SBF1: variants seen among roughly 807,000 people sequenced by gnomAD.
The protein encoded by SBF1 is myotubularin-related protein 5.
In SBF1, 65 loss-of-function variants were observed where a neutral mutation model predicts 215.8. That is an observed-to-expected ratio of 0.30 (90% CI 0.25 to 0.37). The LOEUF is 0.37. Ranked by LOEUF, SBF1 falls within the 10% of genes least tolerant of loss-of-function variation. The pLI is 1.00. For missense variants in SBF1, 2,634 were observed against 2,667.8 expected (o/e 0.99, Z 0.28); for synonymous variants, 1,410 against 1,122.8 (o/e 1.26, Z -5.11).
At chr22:50,469,570 A>C (rs1381371352) in intron 1 of SBF1, among the ~76,000 whole-genome samples, 1 of 152,210 alleles carries the variant, frequency 6.6e-6, no homozygotes, top group Non-Finnish European at 1.5e-5. Flanking sequence ...AGGATGGAGC[A>C]GGTGCAGCAG....
In SBF1 at chr22:50,474,826, C is replaced by T. The variant is rs2068121956; in HGVS notation, c.15G>A (p.Ala5=). The T allele has an allele frequency of 4.2e-6, 6 of 1,421,316 alleles. No homozygotes were observed. Among genetic ancestry groups the T allele is most frequent in the Non-Finnish European group, 5.5e-6 (6 of 1,089,352 alleles). The allele number at this position is 1,421,316 out of a possible 1,614,324, so 88.0% of individuals were successfully genotyped here. Residue 5 remains alanine, a synonymous_variant, in exon 1 of 41, where the codon GCG becomes GCA. Transcript: ENST00000380817. ...CGAACGCCACCAGCACGAAGTAGTC[C>T]GCGAGCCGCGCCATGGCGAGGGACG... MARL[A]DYFVLVAFGP... is the part of the protein sequence containing the mutation.
rs768541253 is a variant in SBF1, at chr22:50,460,012, C to T, written c.3431G>A (p.Arg1144Gln). The change falls in exon 26 of 41, where the codon CGG becomes CAG. Residue 1144 changes from arginine to glutamine, a missense_variant. Physicochemically the swap from Arg to Gln is conservative, Grantham distance 43. Coordinates refer to ENST00000380817, the MANE Select transcript of SBF1 (RefSeq NM_002972.4). ...GLGTLSSSLS[R>Q]AKSEPFRISP... The stretch of plus-strand genomic sequence containing the variant: ...AATGCGGAAGGGCTCAGACTTGGCC[C>T]GGCTCAGGCTGCTGCTCAGGGTGCC... The T allele has an allele frequency of 6.8e-6, 11 of 1,613,964 alleles. No homozygotes were observed. The highest frequency in any genetic ancestry group is 1.1e-5 in the South Asian group (1 of 91,090).
chr22:50,466,815 G>A (rs767545504), intron 5 of SBF1, 105 bp from the exon 6 acceptor site: 16 of 767,828 alleles, frequency 2.1e-5, no homozygotes, highest in South Asian at 5.8e-5. Context: ...TGACAGACCC[G>A]AGGTGGGACT....
chr22:50,449,307 T>C (rs919458743), intron 36 of SBF1, among the ~76,000 whole-genome samples: 1 of 149,840 alleles, frequency 6.7e-6, no homozygotes, highest in Non-Finnish European at 1.5e-5. Context: ...AGTTAGAACA[T>C]ACAGTAAATT....
Position 50,464,751 on chromosome 22 carries a change from G to A in SBF1, c.1432-13C>T, listed in dbSNP as rs76515527. The A allele has an allele frequency of 5.8e-4, 936 of 1,608,630 alleles. 9 individuals carry two copies. The East Asian group carries it at 0.016, about 28-fold the overall frequency. ...GGTACGGGTTCTCCTGTGGGGAGACGGCAGGTGTGGGGCAGGGGCCCAGGG... is the reference window on the plus strand; with the variant it reads ...GGTACGGGTTCTCCTGTGGGGAGACAGCAGGTGTGGGGCAGGGGCCCAGGG... On this transcript the variant is annotated splice_polypyrimidine_tract_variant and intron_variant, in intron 13 of 40. Transcript: ENST00000380817.
intron 16 of SBF1, 41 bp downstream of exon 16, chr22:50,463,242 T>A (rs374886393): frequency 6.2e-7 from 1 of 1,610,304 alleles, no homozygotes. Flanking sequence ...TTCCCGCTCA[T>A]GCGCCATGAG....
chr22:50,449,559 G>A (rs1388668971), intron 36 of SBF1, among the ~76,000 whole-genome samples: 1 of 151,110 alleles, frequency 6.6e-6, no homozygotes, highest in Non-Finnish European at 1.5e-5. Flanking sequence ...AAGTTGCAGT[G>A]AGCCGAGATC....
Position 50,474,795 on chromosome 22 carries a change from G to A in SBF1, c.46C>T (p.His16Tyr), listed in dbSNP as rs1465253755. 6.8e-7 allele frequency: 1 copy of A among 1,460,618 alleles called. No individual in the cohort carries two copies. Among genetic ancestry groups the A allele is most frequent in the Non-Finnish European group, 9.0e-7 (1 of 1,110,622 alleles). The allele number at this position is 1,460,618 out of a possible 1,614,324, so 90.5% of individuals were successfully genotyped here. The stretch of plus-strand genomic sequence containing the variant: ...TGGCCTCGGCACTCACCGCGCGGGT[G>A]CGGCCCGAACGCCACCAGCACGAAG... The part of the protein sequence containing the change: ...DYFVLVAFGP[H>Y]PRGSGEGQGQ... Residue 16 changes from histidine (H) to tyrosine (Y), a missense_variant, in exon 1 of 41, where the codon CAC (histidine) becomes TAC (tyrosine). Coordinates refer to ENST00000380817, the MANE Select transcript of SBF1 (RefSeq NM_002972.4).
At position 50,456,513 on chromosome 22, in the gene SBF1, A is replaced by G; in HGVS notation, c.4065T>C (p.Leu1355=). 8.3e-6 allele frequency: 11 copies of G among 1,319,184 alleles called. No individual in the cohort carries two copies. Among genetic ancestry groups the G allele is most frequent in the Non-Finnish European group, 1.1e-5 (11 of 1,012,070 alleles). The allele number at this position is 1,319,184 out of a possible 1,614,324, so 81.7% of individuals were successfully genotyped here. ...TCACCTTGAGCTGGGCTTTGTCCCC[A>G]AGGATATAGAGGGCTGCTCGCTGCG... The part of the protein sequence containing the change: ...LRPQRAALYI[L]GDKAQLKGVR... Residue 1355 remains leucine, a synonymous_variant, in exon 30 of 41, where the codon CTT becomes CTC. Transcript: ENST00000380817.
At position 50,462,602 on chromosome 22, in the gene SBF1, C is replaced by T. The variant is rs756798043; in HGVS notation, c.2084G>A (p.Arg695Gln). ...CTCCGTGGGCTCCAGGTAGAGGGCCCGGATGTGAGTCTGCACATCCCCATA... is the reference window on the plus strand; with the variant it reads ...CTCCGTGGGCTCCAGGTAGAGGGCCTGGATGTGAGTCTGCACATCCCCATA... ...MFYGDVQTHI[R>Q]ALYLEPTEDL... The change falls in exon 18 of 41, where the codon CGG becomes CAG. Residue 695 changes from arginine (R) to glutamine (Q), a missense_variant. Physicochemically the swap from Arg to Gln is conservative, Grantham distance 43 (BLOSUM62 1). Coordinates refer to ENST00000380817, the MANE Select transcript of SBF1 (RefSeq NM_002972.4). The T allele has an allele frequency of 4.5e-5, 72 of 1,612,190 alleles. No individual in the cohort carries two copies. The highest frequency in any genetic ancestry group is 1.7e-4 in the Admixed American group (10 of 59,896).
chr22:50,464,344 C>G lies in SBF1; in HGVS notation c.1734G>C (p.Met578Ile), dbSNP rs757701114. 1.2e-6 allele frequency: 2 copies of G among 1,613,854 alleles called. No homozygotes were observed. ...CAGCCCTCACCTTCTTGGCCTCAAG[C>G]ATTTTCCCCTCAAACACGTAGGAGA... Reference protein sequence around the residue: ...NCISYVFEGKMLEAKKLLPAV... With the variant: ...NCISYVFEGKILEAKKLLPAV... The change falls in exon 15 of 41, where the codon ATG becomes ATC. Residue 578 changes from methionine (M) to isoleucine (I), a missense_variant. Coordinates refer to ENST00000380817, the MANE Select transcript of SBF1 (RefSeq NM_002972.4).
intron 1 of SBF1, among the ~76,000 whole-genome samples, chr22:50,470,177 C>G (rs2067947059): frequency 6.6e-6 from 1 of 152,002 alleles, no homozygotes; most frequent in Admixed American, 6.5e-5. Context: ...GGCCCCAAAC[C>G]ACCATCTGGG....
intron 28 of SBF1, 46 bp downstream of exon 28, chr22:50,459,209 C>T: frequency 1.3e-6 from 2 of 1,567,438 alleles, no homozygotes; most frequent in Non-Finnish European, 1.7e-6. Flanking sequence ...CCACCACGGC[C>T]CCCCAAAGTG....
rs767376825 is a variant in SBF1, at chr22:50,459,620, G to A, written c.3538C>T (p.Leu1180=). 3 of 1,609,890 alleles carry A rather than the reference G, an allele frequency of 1.9e-6. No individual in the cohort carries two copies. Among genetic ancestry groups the A allele is most frequent in the African/African-American group, 2.7e-5 (2 of 74,840 alleles). ...IVPQSVQDNA[L]QRVSRCYRQN... The stretch of plus-strand genomic sequence containing the variant: ...CGGTAGCAGCGGGACACGCGCTGCA[G>A]GGCGTTGTCCTGGACACTCTGGGGC... The change falls in exon 27 of 41, where the codon CTG becomes TTG. Residue 1180 remains leucine, a synonymous_variant. Transcript: ENST00000380817.
In SBF1 at chr22:50,460,074, T is replaced by G; in HGVS notation, c.3369A>C (p.Glu1123Asp). ...SDRMTMSSLV[E>D]RACCRDYQRL... ...GCTGGTAGTCGCGACAGCAAGCCCT[T>G]TCCACCAGGCTGCTCATGGTCATGC... Residue 1123 changes from glutamate to aspartate, a missense_variant, in exon 26 of 41, where the codon GAA becomes GAC. Coordinates refer to ENST00000380817, the MANE Select transcript of SBF1 (RefSeq NM_002972.4). 1 of 1,613,902 alleles carries G rather than the reference T, an allele frequency of 6.2e-7. No homozygotes were observed. The highest frequency in any genetic ancestry group is 8.5e-7 in the Non-Finnish European group (1 of 1,179,976).
At chr22:50,467,120 G>C in intron 5 of SBF1, 1 of 597,978 alleles carries the variant, frequency 1.7e-6, no homozygotes, top group Non-Finnish European at 3.0e-6. Context: ...CACCATCAAA[G>C]GAGTGGACAG....
rs1275956309 is a variant in SBF1 at position 50,448,570 on chromosome 22, C to T, written c.5124G>A (p.Gln1708=). 6.2e-7 allele frequency: 1 copy of T among 1,612,154 alleles called. No homozygotes were observed. Among genetic ancestry groups the T allele is most frequent in the South Asian group, 1.1e-5 (1 of 91,088 alleles). ...GGCCGTCTGGCCGGCCCTCGAGGCGCTGTGCAGCCTTCACCCGGTCCCAGG... is the reference window on the plus strand; with the variant it reads ...GGCCGTCTGGCCGGCCCTCGAGGCGTTGTGCAGCCTTCACCCGGTCCCAGG... The part of the protein sequence containing the change: ...KDTWDRVKAA[Q]RLEGRPDGRG... Residue 1708 remains glutamine (Q), a synonymous_variant, in exon 37 of 41, where the codon CAG becomes CAA. Coordinates refer to ENST00000380817, the MANE Select transcript of SBF1 (RefSeq NM_002972.4).
chr22:50,457,050 T>TCTGGAGGC lies in SBF1; in HGVS notation c.3880_3887dup (p.Arg1297ProfsTer31), dbSNP rs2067283411. ...GTACGGTACCTCGGGGTGCGGTCCG[T>TCTGGAGGC]CTGGAGGCCGAGGCCGCCATGGGGT... On this transcript the variant is annotated frameshift_variant, in exon 29 of 41. Transcript: ENST00000380817. LOFTEE classifies it high-confidence loss of function. 4 of 1,456,936 alleles carry TCTGGAGGC rather than the reference T, an allele frequency of 2.7e-6. No individual in the cohort carries two copies. The African/African-American group carries it at 5.9e-5, about 22-fold the overall frequency. 90.3% of individuals were successfully genotyped at this position (1,456,936 alleles called of 1,614,324 possible).
chr22:50,459,212 C>G, intron 28 of SBF1, 43 bp downstream of exon 28: 2 of 1,569,476 alleles, frequency 1.3e-6, no homozygotes. Context: ...CCACGGCCCC[C>G]CAAAGTGCCC....
Sources: gnomAD v4.1 joint callset for allele counts (sites outside exome capture counted in the v4.1 genomes callset) on GRCh38, gnomAD v4.1.1 for gene constraint, MANE v1.5 for transcripts, NCBI Gene and HGNC (gene_info 2026-07-23, HGNC 2026-07-21) for gene names.